SMG5: variants seen among roughly 807,000 people sequenced by gnomAD.
SMG5 encodes the protein nonsense-mediated mRNA decay factor SMG5.
SMG5 carries 53 observed loss-of-function variants against 122.9 expected under a neutral mutation model. That is an observed-to-expected ratio of 0.43 (90% CI 0.35 to 0.54). The LOEUF (loss-of-function observed/expected upper bound fraction) is 0.54, where lower values mean the gene tolerates loss of function less well. Among genes scored for constraint, SMG5 ranks in the 20% least tolerant of loss-of-function variants. The pLI is 0.01. For synonymous variants in SMG5, 477 were observed against 490.2 expected (o/e 0.97, Z 0.35); for missense variants, 1,153 against 1,285.6 (o/e 0.90, Z 1.58).
Position 156,267,506 on chromosome 1 carries a change from T to C in SMG5, c.1081A>G (p.Ile361Val), listed in dbSNP as rs754288447. The stretch of plus-strand genomic sequence containing the variant: ...AAGCTGTGCACACACATAAGGCAGA[T>C]GATGACCATTTGAAAGATGAGAAGG... ...PDLLIFQMVI[I>V]CLMCVHSLER... The change falls in exon 10 of 22, where the codon ATC (isoleucine) becomes GTC (valine). Residue 361 changes from isoleucine to valine, a missense_variant. Coordinates refer to ENST00000361813, the MANE Select transcript of SMG5 (RefSeq NM_015327.3). 3.7e-6 allele frequency: 6 copies of C among 1,614,118 alleles called. No homozygotes were observed. The highest frequency in any genetic ancestry group is 4.2e-6 in the Non-Finnish European group (5 of 1,180,012).
chr1:156,277,801 C>T (rs1018563364), intron 3 of SMG5, 124 bp downstream of exon 3: 31 of 1,300,648 alleles, frequency 2.4e-5, no homozygotes, highest in Admixed American at 7.3e-5. Context: ...CATGAGCCAC[C>T]GTGCCCAGCC....
At chr1:156,273,559 G>A in intron 5 of SMG5, 109 bp from the exon 6 acceptor site, 2 of 1,036,092 alleles carry the variant, frequency 1.9e-6, no homozygotes, top group Non-Finnish European at 2.9e-6. Flanking sequence ...CTGGAAGGAA[G>A]GTACCTGAGC....
Position 156,251,377 on chromosome 1 carries a change from T to C in SMG5, c.2828+26A>G, listed in dbSNP as rs764569918. 7.4e-6 allele frequency: 12 copies of C among 1,613,618 alleles called. No individual in the cohort carries two copies. In the South Asian group the frequency reaches 1.3e-4, roughly 18 times the overall value. The stretch of plus-strand genomic sequence containing the variant: ...AGGAGCAAGGCAGGTGGCCTGAGGT[T>C]CTAGGGGTGAGGGCTAAAATGTTAC... On this transcript the variant is annotated intron_variant, in intron 20 of 21. Coordinates refer to ENST00000361813, the MANE Select transcript of SMG5 (RefSeq NM_015327.3).
At chr1:156,274,251 G>A (rs1662577404) in intron 5 of SMG5, among the ~76,000 whole-genome samples, 2 of 152,168 alleles carry the variant, frequency 1.3e-5, no homozygotes, top group African/African-American at 2.4e-5. Context: ...CAATCCCTGT[G>A]CTGAAGTTTC....
Position 156,263,398 on chromosome 1 carries a change from C to T in SMG5, c.2028G>A (p.Ala676=), listed in dbSNP as rs2273833. Reference sequence around the variant, plus strand: ...GCAATGGAGTGGACTGACACACCTGCGCACACACGATGATGAGGTCGGGGT... The same window carrying T: ...GCAATGGAGTGGACTGACACACCTGTGCACACACGATGATGAGGTCGGGGT... ...RTNPDLIIVC[A]QSSQSLWNRL... Residue 676 remains alanine (A), a synonymous_variant, in exon 13 of 22, where the codon GCG becomes GCA. Transcript: ENST00000361813. 433,241 of 1,612,378 alleles carry T rather than the reference C, an allele frequency of 0.27. 60,399 individuals carry two copies. The highest frequency in any genetic ancestry group is 0.28 in the Non-Finnish European group (333,380 of 1,178,926).
At chr1:156,270,969 T>G (rs1662386486) in intron 7 of SMG5, among the ~76,000 whole-genome samples, 2 of 150,714 alleles carry the variant, frequency 1.3e-5, no homozygotes, top group African/African-American at 4.9e-5. Flanking sequence ...ATCATGCCAT[T>G]GCACTCCAGC....
At position 156,250,425 on chromosome 1, in the gene SMG5, C is replaced by A. The variant is rs527579595; in HGVS notation, c.*162G>T. On this transcript the variant is annotated 3_prime_UTR_variant, in exon 22 of 22. Coordinates refer to ENST00000361813, the MANE Select transcript of SMG5 (RefSeq NM_015327.3). ...AACAAAGGGACCCCACCCTCCCAGCCGGCTCCTGGGCCCTCCCTGCAGCCT... is the reference window on the plus strand; with the variant it reads ...AACAAAGGGACCCCACCCTCCCAGCAGGCTCCTGGGCCCTCCCTGCAGCCT... The A allele has an allele frequency of 2.8e-5, 19 of 680,638 alleles. No individual in the cohort carries two copies. Among genetic ancestry groups the A allele is most frequent in the Non-Finnish European group, 5.0e-5 (19 of 382,764 alleles). The allele number at this position is 680,638 out of a possible 1,614,324, so 42.2% of individuals were successfully genotyped here. A position where few individuals can be genotyped will look rare whatever the true frequency, so the allele number is the denominator to read the frequency against.
intron 1 of SMG5, among the ~76,000 whole-genome samples, chr1:156,281,718 G>C (rs970031852): frequency 6.6e-6 from 1 of 152,214 alleles, no homozygotes; most frequent in Non-Finnish European, 1.5e-5. Flanking sequence ...CTCTGTAGTA[G>C]AAGGCACAAA....
At chr1:156,255,996 C>T (rs1053503728) in intron 16 of SMG5, among the ~76,000 whole-genome samples, 2 of 152,100 alleles carry the variant, frequency 1.3e-5, no homozygotes, top group African/African-American at 4.8e-5. Flanking sequence ...CAGTACTCTT[C>T]GAAAGTGTCA....
chr1:156,253,384 G>C, intron 17 of SMG5, 65 bp downstream of exon 17: 1 of 1,526,352 alleles, frequency 6.6e-7, no homozygotes, highest in Non-Finnish European at 9.1e-7. Flanking sequence ...GGGGAGACCT[G>C]CCAGTAGGGT....
the SMG5 span, among the ~76,000 whole-genome samples, chr1:156,289,937 A>C: frequency 6.6e-6 from 1 of 152,128 alleles, no homozygotes; most frequent in African/African-American, 2.4e-5. Context: ...CTGCCCCTCA[A>C]ATTGGCAGAA....
At chr1:156,285,402 T>C (rs892227364), upstream of SMG5, 3 of 1,602,424 alleles carry the variant, frequency 1.9e-6, no homozygotes, top group Non-Finnish European at 2.6e-6. Context: ...CCCACAGCCA[T>C]AGAGGGGGCT....
chr1:156,279,998 G>A (rs1662858560), intron 1 of SMG5, among the ~76,000 whole-genome samples: 1 of 152,172 alleles, frequency 6.6e-6, no homozygotes, highest in African/African-American at 2.4e-5. Context: ...CCTACTTTGT[G>A]AGGATTAAAT....
In SMG5 at chr1:156,282,725, C is replaced by T; in HGVS notation, c.-45G>A. ...AGCTCCCGGTCACAGGCCCCTGCCACCCACCACTACCGCCAACACTGCCGT... is the reference window on the plus strand; with the variant it reads ...AGCTCCCGGTCACAGGCCCCTGCCATCCACCACTACCGCCAACACTGCCGT... On this transcript the variant is annotated 5_prime_UTR_variant, in exon 1 of 22. It adds an upstream start codon to the 5' untranslated region. Coordinates refer to ENST00000361813, the MANE Select transcript of SMG5 (RefSeq NM_015327.3). 1 of 1,550,744 alleles carries T rather than the reference C, an allele frequency of 6.4e-7. No individual in the cohort carries two copies. The highest frequency in any genetic ancestry group is 1.4e-5 in the African/African-American group (1 of 73,900).
the SMG5 span, chr1:156,291,300 A>C: frequency 7.8e-7 from 1 of 1,283,244 alleles, no homozygotes; most frequent in Admixed American, 1.8e-5. Flanking sequence ...TGCCTCCCCT[A>C]TCTACTCCCC....
intron 13 of SMG5, among the ~76,000 whole-genome samples, chr1:156,262,226 G>A (rs886773369): frequency 3.9e-5 from 6 of 151,954 alleles, no homozygotes; most frequent in African/African-American, 1.5e-4. Flanking sequence ...GCCGGGCGCG[G>A]TGGCTCACGC....
At chr1:156,252,850 G>C (rs959501541) in intron 18 of SMG5, 69 bp downstream of exon 18, 1 of 1,436,108 alleles carries the variant, frequency 7.0e-7, no homozygotes, top group African/African-American at 1.4e-5. Context: ...CCCAAATAAG[G>C]TCTCTTAATC....
At chr1:156,259,223 C>T (rs1661706410) in intron 15 of SMG5, 60 bp from the exon 16 acceptor site, 2 of 1,458,386 alleles carry the variant, frequency 1.4e-6, no homozygotes, top group Non-Finnish European at 1.8e-6. Flanking sequence ...CCACCCTGCC[C>T]TCCAGGACCC....
chr1:156,259,177 C>T lies in SMG5; in HGVS notation c.2284-14G>A. ...GCGCACCACTGACTGTGGGGAGATA[C>T]AGGAGCCCAGCGCTGCTGAGCAGGG... On this transcript the variant is annotated splice_polypyrimidine_tract_variant and intron_variant, in intron 15 of 21. Coordinates refer to ENST00000361813, the MANE Select transcript of SMG5 (RefSeq NM_015327.3). 6.4e-7 allele frequency: 1 copy of T among 1,555,286 alleles called. No individual in the cohort carries two copies. The highest frequency in any genetic ancestry group is 1.4e-5 in the African/African-American group (1 of 73,130).
Sources: gnomAD v4.1 joint callset for allele counts (sites outside exome capture counted in the v4.1 genomes callset) on GRCh38, gnomAD v4.1.1 for gene constraint, MANE v1.5 for transcripts, NCBI Gene and HGNC (gene_info 2026-07-23, HGNC 2026-07-21) for gene names.